Variants in DMD observed in about 807,000 individuals in gnomAD.
DMD encodes the protein mutant dystrophin.
DMD carries 63 observed loss-of-function variants against 330.1 expected under a neutral mutation model. The ratio of observed to expected loss-of-function variants is 0.19; its 90% CI spans 0.16 to 0.24. DMD has a LOEUF of 0.24. DMD is among the 10% of genes least tolerant of loss of function. The pLI, the probability that DMD is intolerant of heterozygous loss-of-function variation, is 1.00. For missense variants in DMD, 3,344 were observed against 2,684.1 expected, an observed-to-expected ratio of 1.25 and a Z score of -5.43; for synonymous variants, 1,223 against 959.8, an observed-to-expected ratio of 1.27 and a Z score of -5.07.
intron 1 of DMD, among the ~76,000 whole-genome samples, chrX:33,177,203 A>G (rs2049714773): frequency 9.0e-6 from 1 of 110,938 alleles, no homozygotes; most frequent in Non-Finnish European, 1.9e-5. Flanking sequence ...GGCTTTCTTC[A>G]GGGTAAGAAC....
At position 31,931,306 on chromosome X, in the gene DMD, AAG is replaced by A. The variant is rs769448504; in HGVS notation, c.6762+772_6762+773del. Among the ~76,000 whole-genome samples, 474 of 110,368 alleles carry A rather than the reference AAG, an allele frequency of 4.3e-3. 1 individual carries two copies. Among genetic ancestry groups the A allele is most frequent in the Middle Eastern group, 9.3e-3 (2 of 214 alleles). On this transcript the variant is annotated intron_variant, in intron 46 of 78. Coordinates refer to ENST00000357033, the MANE Select transcript of DMD (RefSeq NM_004006.3). ...GACAACTAAAATGAAATAGATCCAA[AAG>A]AGCTGCTTTCCTAAAACTAAAACCA...
At position 33,306,628 on chromosome X, in the gene DMD, G is replaced by A. The variant is rs144075106; in HGVS notation, c.7+32631C>T. On this transcript the variant is annotated intron_variant, in intron 1 of 17. Transcript: ENST00000288447. ...ATGGCACAGAGGCTTGAAAACTCCTGGCATGTTTGGGTGAGAGGTGAGAGA... is the reference window on the plus strand; with the variant it reads ...ATGGCACAGAGGCTTGAAAACTCCTAGCATGTTTGGGTGAGAGGTGAGAGA... 2.5e-3 allele frequency among the ~76,000 whole-genome samples: 274 copies of A among 110,869 alleles called. 2 individuals are homozygous for A. The highest frequency in any genetic ancestry group is 8.8e-3 in the African/African-American group (268 of 30,477).
rs760733415 is a variant in DMD, at chrX:32,441,285, C to G, written c.3816G>C (p.Leu1272Phe). ...ACTTGTTTGCTTTCTCCAAGTATGA[C>G]AATAACTCATGCCAACATGCCCAAA... ...EEVWACWHEL[L>F]SYLEKANKWL... Residue 1272 changes from leucine to phenylalanine, a missense_variant, in exon 28 of 79, where the codon TTG becomes TTC. Physicochemically the swap from Leu to Phe is conservative, Grantham distance 22. Coordinates refer to ENST00000357033, the MANE Select transcript of DMD (RefSeq NM_004006.3). 4.5e-4 allele frequency: 538 copies of G among 1,206,795 alleles called. No individual in the cohort carries two copies. Among genetic ancestry groups the G allele is most frequent in the Non-Finnish European group, 5.9e-4 (527 of 892,619 alleles).
At chrX:32,058,428 T>C (rs769378380) in intron 44 of DMD, among the ~76,000 whole-genome samples, 3 of 109,885 alleles carry the variant, frequency 2.7e-5, no homozygotes, top group South Asian at 3.8e-4. Flanking sequence ...AACAAAGGAA[T>C]TGAATAGATA....
chrX:32,438,572 A>G (rs751414338), intron 28 of DMD, among the ~76,000 whole-genome samples, 182 bp from the exon 29 acceptor site: 28 of 112,082 alleles, frequency 2.5e-4, no homozygotes, highest in African/African-American at 8.4e-4. Flanking sequence ...ATGTCATTCT[A>G]TATGAATCTT....
chrX:32,706,738 TG>T (rs2064701592), intron 7 of DMD, among the ~76,000 whole-genome samples: 1 of 111,446 alleles, frequency 9.0e-6, no homozygotes, highest in Non-Finnish European at 1.9e-5. Flanking sequence ...CCAATACAAA[TG>T]GAACTTATCA....
chrX:32,257,334 A>G (rs1310100550), intron 43 of DMD, among the ~76,000 whole-genome samples: 1 of 111,769 alleles, frequency 8.9e-6, no homozygotes, highest in East Asian at 2.8e-4. Flanking sequence ...TTCAGATGGA[A>G]CCAAAAAAGA....
chrX:32,720,955 T>TA (rs1251028166), intron 7 of DMD, among the ~76,000 whole-genome samples: 2 of 111,537 alleles, frequency 1.8e-5, no homozygotes, highest in East Asian at 5.6e-4. Context: ...TTTCAGATGT[T>TA]AGATAACGTA....
At chrX:33,262,488 T>C (rs1472090622) in intron 1 of DMD, among the ~76,000 whole-genome samples, 2 of 110,951 alleles carry the variant, frequency 1.8e-5, no homozygotes, top group Non-Finnish European at 1.9e-5. Context: ...AAAAACAAGT[T>C]AGGGTGTCTG....
At chrX:32,465,575 GTTTTTTGTT>G (rs2098399196) in intron 23 of DMD, among the ~76,000 whole-genome samples, 2 of 27,835 alleles carry the variant, frequency 7.2e-5, no homozygotes, top group African/African-American at 2.3e-4. Flanking sequence ...TTTTTTGTTT[GTTTTTTGTT>G]TTTTTTTTTT....
chrX:32,504,068 G>A (rs2044360342), intron 18 of DMD, among the ~76,000 whole-genome samples: 1 of 111,408 alleles, frequency 9.0e-6, no homozygotes, highest in African/African-American at 3.3e-5. Context: ...AAGGAACCAA[G>A]GCAATACAGT....
intron 17 of DMD, among the ~76,000 whole-genome samples, chrX:32,518,447 C>T (rs977215716): frequency 9.2e-6 from 1 of 108,119 alleles, no homozygotes; most frequent in Non-Finnish European, 1.9e-5. Context: ...CTACTTCCCA[C>T]GATAACCTTT....
chrX:31,994,687 AT>A (rs2095573065), intron 44 of DMD, among the ~76,000 whole-genome samples: 1 of 111,704 alleles, frequency 9.0e-6, no homozygotes, highest in Admixed American at 9.5e-5. Flanking sequence ...TACATCAGTC[AT>A]TTGCAGAACA....
chrX:32,817,123 A>G (rs2077824833), intron 5 of DMD, among the ~76,000 whole-genome samples: 1 of 111,988 alleles, frequency 8.9e-6, no homozygotes, highest in Admixed American at 9.5e-5. Context: ...TCTAGGCCTC[A>G]TTTCTGTGTA....
chrX:32,855,446 T>C (rs2081469254), intron 2 of DMD, among the ~76,000 whole-genome samples: 1 of 111,921 alleles, frequency 8.9e-6, no homozygotes, highest in South Asian at 3.7e-4. Context: ...CAAAAATGCA[T>C]GCTAATGGCA....
chrX:32,158,796 G>A (rs964991986), intron 44 of DMD, among the ~76,000 whole-genome samples: 2 of 111,862 alleles, frequency 1.8e-5, no homozygotes, highest in Non-Finnish European at 3.8e-5. Flanking sequence ...TGGACATGGA[G>A]GACCAAAGCT....
At chrX:32,378,880 T>A (rs2097914214) in intron 34 of DMD, among the ~76,000 whole-genome samples, 1 of 110,889 alleles carries the variant, frequency 9.0e-6, no homozygotes, top group African/African-American at 3.3e-5. Context: ...GAAATGAGAA[T>A]GTACTCAATA....
chrX:32,117,891 G>A (rs1234262552), intron 44 of DMD, among the ~76,000 whole-genome samples: 2 of 111,734 alleles, frequency 1.8e-5, no homozygotes, highest in East Asian at 5.6e-4. Flanking sequence ...AATGCCCAGA[G>A]ATGTGACAAC....
At chrX:32,297,008 A>G (rs1569556341) in intron 42 of DMD, among the ~76,000 whole-genome samples, 1 of 110,859 alleles carries the variant, frequency 9.0e-6, no homozygotes, top group Non-Finnish European at 1.9e-5. Context: ...TCCTGAAGGA[A>G]ATTCCTATTC....
Sources: allele counts gnomAD v4.1 joint callset (sites outside exome capture counted in the v4.1 genomes callset), GRCh38; gene constraint gnomAD v4.1.1; transcripts MANE v1.5; gene names NCBI Gene and HGNC (gene_info 2026-07-23, HGNC 2026-07-21).